KIF24: variants seen among roughly 807,000 people sequenced by gnomAD.
KIF24 encodes the protein kinesin family member 24.
KIF24 carries 81 observed loss-of-function variants against 118.9 expected under a neutral mutation model. The observed-to-expected ratio is 0.68, with a 90% CI of 0.57 to 0.82. KIF24 has a LOEUF of 0.82. Ranked by LOEUF, KIF24 falls within the 40% of genes least tolerant of loss-of-function variation. The pLI is 0.00. For missense variants in KIF24, 1,560 were observed against 1,661.6 expected (o/e 0.94, Z 1.06); for synonymous variants, 599 against 610.0 (o/e 0.98, Z 0.27).
At position 34,318,773 on chromosome 9, in the gene KIF24, C is replaced by T. The variant is rs1457679119; in HGVS notation, c.-25-7402G>A. ...GCGTTCACTCAGCAACTCCACCGCG[C>T]GCAACGTGACCTGGAAGCTGTGCAG... On this transcript the variant is annotated intron_variant, in intron 1 of 12. Coordinates refer to ENST00000402558, the MANE Select transcript of KIF24 (RefSeq NM_194313.4). This position sits in a 1 kb window ranked among gnomAD's most constrained non-coding sequence, Gnocchi z 4.9. 1.9e-5 allele frequency: 29 copies of T among 1,526,790 alleles called. No individual in the cohort carries two copies. The highest frequency in any genetic ancestry group is 4.1e-5 in the African/African-American group (3 of 73,534). The allele number at this position is 1,526,790 out of a possible 1,614,324, so 94.6% of individuals were successfully genotyped here.
rs1020990434 is a variant in KIF24, at chr9:34,309,104, TAAACA to T, written c.623+1615_623+1619del. Among the ~76,000 whole-genome samples, 8 of 71,444 alleles carry T rather than the reference TAAACA, an allele frequency of 1.1e-4. No homozygotes were observed. In the South Asian group the frequency reaches 2.9e-3, roughly 26 times the overall value. The allele number at this position is 71,444 out of a possible 152,430, so 46.9% of individuals were successfully genotyped here. A position where few individuals can be genotyped will look rare whatever the true frequency, so the allele number is the denominator to read the frequency against. ...TCTACAAATCAAACAAACAAACAAATAAACAAAAGAGTCAAATAAATGAAATGGTA... is the reference window on the plus strand; with the variant it reads ...TCTACAAATCAAACAAACAAACAAATAAAGAGTCAAATAAATGAAATGGTA... On this transcript the variant is annotated intron_variant, in intron 2 of 12. Transcript: ENST00000402558.
chr9:34,290,519 C>T, intron 4 of KIF24, 130 bp from the exon 5 acceptor site: 1 of 562,406 alleles, frequency 1.8e-6, no homozygotes, highest in East Asian at 2.8e-5. Flanking sequence ...ACACATAAAC[C>T]TTTAAGGAGA....
Position 34,256,859 on chromosome 9 carries a change from G to A in KIF24, c.2748C>T (p.Pro916=), listed in dbSNP as rs369627399. The change falls in exon 11 of 13, where the codon CCC becomes CCT. Residue 916 remains proline (P), a synonymous_variant. Coordinates refer to ENST00000402558, the MANE Select transcript of KIF24 (RefSeq NM_194313.4). The part of the protein sequence containing the change: ...LDHSCSPSKG[P]VDWSRENSTS... The stretch of plus-strand genomic sequence containing the variant: ...TAGAGTTCTCTCTGCTCCAGTCCAC[G>A]GGCCCCTTACTTGGGCTGCAGCTGT... 22 of 1,613,926 alleles carry A rather than the reference G, an allele frequency of 1.4e-5. No homozygotes were observed. The highest frequency in any genetic ancestry group is 5.0e-5 in the Admixed American group (3 of 60,018).
At position 34,318,290 on chromosome 9, in the gene KIF24, C is replaced by T. The variant is rs556492147; in HGVS notation, c.-25-6919G>A. On this transcript the variant is annotated intron_variant, in intron 1 of 12. Coordinates refer to ENST00000402558, the MANE Select transcript of KIF24 (RefSeq NM_194313.4). This position sits in a 1 kb window ranked among gnomAD's most constrained non-coding sequence, Gnocchi z 4.9. The stretch of plus-strand genomic sequence containing the variant: ...AGGCTATAGAAGAGTAGAATCGTGT[C>T]GCGGCTCGAGAGCGAGACTCCCGTC... 168 of 578,202 alleles carry T rather than the reference C, an allele frequency of 2.9e-4. No homozygotes were observed. Among genetic ancestry groups the T allele is most frequent in the African/African-American group, 2.7e-3 (147 of 53,650 alleles). 35.8% of individuals were successfully genotyped at this position (578,202 alleles called of 1,614,324 possible).
chr9:34,310,710 A>T lies in KIF24; in HGVS notation c.623+14T>A. ...CTACTTTCCCTCAAAAGAAAGAAAGATAAAATTTATTACCTGATACAAGAA... is the reference window on the plus strand; with the variant it reads ...CTACTTTCCCTCAAAAGAAAGAAAGTTAAAATTTATTACCTGATACAAGAA... On this transcript the variant is annotated intron_variant, in intron 2 of 12. Coordinates refer to ENST00000402558, the MANE Select transcript of KIF24 (RefSeq NM_194313.4). 6.4e-7 allele frequency: 1 copy of T among 1,554,070 alleles called. No homozygotes were observed. The highest frequency in any genetic ancestry group is 8.7e-7 in the Non-Finnish European group (1 of 1,153,272).
At chr9:34,278,041 G>A (rs937401949) in intron 6 of KIF24, among the ~76,000 whole-genome samples, 3 of 152,168 alleles carry the variant, frequency 2.0e-5, no homozygotes, top group Non-Finnish European at 4.4e-5. Flanking sequence ...CTGGGAGGCT[G>A]AGAAGGGCGG....
In KIF24 at chr9:34,253,585, G is replaced by C. The variant is rs1010518093; in HGVS notation, c.*795C>G. 6.6e-6 allele frequency: 1 copy of C among 152,396 alleles called. No homozygotes were observed. The highest frequency in any genetic ancestry group is 2.4e-5 in the African/African-American group (1 of 41,444). The allele number at this position is 152,396 out of a possible 1,614,324, so 9.4% of individuals were successfully genotyped here. A position where few individuals can be genotyped will look rare whatever the true frequency, so the allele number is the denominator to read the frequency against. ...ATTCCATGAGGGGGCTGGGTAGTGA[G>C]GTGTCCCAGATAGGAGCCAGGAGCT... On this transcript the variant is annotated 3_prime_UTR_variant, in exon 13 of 13. Transcript: ENST00000402558.
At chr9:34,283,397 G>T (rs1835927140) in intron 6 of KIF24, among the ~76,000 whole-genome samples, 1 of 151,746 alleles carries the variant, frequency 6.6e-6, no homozygotes, top group Admixed American at 6.6e-5. Flanking sequence ...AAAAAAGAAT[G>T]AATATTATGG....
chr9:34,319,736 T>C, intron 1 of KIF24: 3 of 650,104 alleles, frequency 4.6e-6, no homozygotes, highest in Non-Finnish European at 8.5e-6. Flanking sequence ...TCGGGGGAGG[T>C]GAGGTACCAG....
chr9:34,290,945 A>C (rs1836233809), intron 4 of KIF24, among the ~76,000 whole-genome samples: 1 of 152,136 alleles, frequency 6.6e-6, no homozygotes, highest in Non-Finnish European at 1.5e-5. Flanking sequence ...TAAGAGAAAC[A>C]ACTCTAGAAG....
At chr9:34,290,099 G>T in intron 5 of KIF24, 75 bp downstream of exon 5, 1 of 1,023,866 alleles carries the variant, frequency 9.8e-7, no homozygotes, top group African/African-American at 1.6e-5. Context: ...TAAAGCCTAT[G>T]ATTCAGTGAT....
intron 4 of KIF24, among the ~76,000 whole-genome samples, chr9:34,295,947 C>A (rs112860014): frequency 2.7e-5 from 4 of 150,554 alleles, no homozygotes; most frequent in Non-Finnish European, 5.9e-5. Flanking sequence ...TGGCCGGGCG[C>A]GATGGCTCAC....
chr9:34,292,707 G>A (rs1277892147), intron 4 of KIF24, among the ~76,000 whole-genome samples: 3 of 152,206 alleles, frequency 2.0e-5, no homozygotes, highest in Non-Finnish European at 4.4e-5. Flanking sequence ...GCTGCTTGGA[G>A]CAGAGACCAG....
chr9:34,253,106 G>A lies in KIF24; in HGVS notation c.*1274C>T, dbSNP rs541357645. 7 of 152,582 alleles carry A rather than the reference G, an allele frequency of 4.6e-5. No individual in the cohort carries two copies. The highest frequency in any genetic ancestry group is 3.9e-4 in the East Asian group (2 of 5,180). The allele number at this position is 152,582 out of a possible 1,614,324, so 9.5% of individuals were successfully genotyped here. The stretch of plus-strand genomic sequence containing the variant: ...AGCACCAATAAGGATGCCCCCTGGC[G>A]GTCAGATGAGGCACTGTCAGGCTGA... On this transcript the variant is annotated 3_prime_UTR_variant, in exon 13 of 13. Coordinates refer to ENST00000402558, the MANE Select transcript of KIF24 (RefSeq NM_194313.4).
chr9:34,330,096 A>G (rs905283169), upstream of KIF24, among the ~76,000 whole-genome samples: 12 of 152,378 alleles, frequency 7.9e-5, no homozygotes, highest in Admixed American at 2.6e-4. Flanking sequence ...ACAAACAAAC[A>G]AAAAAGGGAC....
At chr9:34,319,198 C>T (rs1837433225) in intron 1 of KIF24, 1 of 1,603,820 alleles carries the variant, frequency 6.2e-7, no homozygotes, top group Non-Finnish European at 8.5e-7. Context: ...ACAAGCTCTC[C>T]AGCCTCATCA....
chr9:34,266,908 CA>C (rs1024682269), intron 8 of KIF24, among the ~76,000 whole-genome samples: 1 of 150,806 alleles, frequency 6.6e-6, no homozygotes. Context: ...ATTTAAGCAG[CA>C]AAAAAAGATA....
At chr9:34,310,652 G>A (rs749336712) in intron 2 of KIF24, 72 bp downstream of exon 2, 2 of 1,066,322 alleles carry the variant, frequency 1.9e-6, no homozygotes, top group East Asian at 4.8e-5. Flanking sequence ...GCTGTCTGCT[G>A]GACATGAAGG....
At chr9:34,297,852 A>G (rs796252407) in intron 3 of KIF24, among the ~76,000 whole-genome samples, 6 of 152,196 alleles carry the variant, frequency 3.9e-5, no homozygotes, top group Middle Eastern at 3.4e-3. Context: ...ATAAATATTT[A>G]TGCTCAGCTG....
Sources: allele counts gnomAD v4.1 joint callset (sites outside exome capture counted in the v4.1 genomes callset), GRCh38; gene constraint gnomAD v4.1.1; non-coding constraint Gnocchi (gnomAD v3.1); transcripts MANE v1.5; gene names NCBI Gene and HGNC (gene_info 2026-07-23, HGNC 2026-07-21).